The following TCTN1 variants were observed in gnomAD, a reference collection of about 807,000 sequenced individuals.
TCTN1 encodes the protein tectonic family member 1.
TCTN1 carries 58 observed loss-of-function variants against 65.8 expected under a neutral mutation model. That is an observed-to-expected ratio of 0.88 (90% CI 0.71 to 1.10). TCTN1 has a LOEUF of 1.10. Among genes scored for constraint, TCTN1 ranks in the 50% least tolerant of loss-of-function variants. The pLI is 0.00. For synonymous variants in TCTN1, 273 were observed against 289.1 expected (o/e 0.94, Z 0.57); for missense variants, 645 against 719.4 (o/e 0.90, Z 1.18).
In TCTN1 at chr12:110,635,014, T is replaced by C. The variant is rs11065685; in HGVS notation, c.822+235T>C. ...TTTTTTCTTTCATTCATTTTGATGG[T>C]AACCAATATCTGTCTCCTGAATAAA... On this transcript the variant is annotated intron_variant, in intron 6 of 14. Coordinates refer to ENST00000397659, the MANE Select transcript of TCTN1 (RefSeq NM_001082538.3). Among the ~76,000 whole-genome samples the C allele has an allele frequency of 0.019, 2,889 of 152,320 alleles. 75 individuals are homozygous for C. Among genetic ancestry groups the C allele is most frequent in the African/African-American group, 0.066 (2,730 of 41,554 alleles).
intron 3 of TCTN1, chr12:110,627,820 T>C (rs1019287067): frequency 5.1e-6 from 3 of 592,868 alleles, no homozygotes; most frequent in African/African-American, 3.7e-5. Context: ...TAAAATGTTA[T>C]CAGGATATCA....
At chr12:110,622,615 G>A (rs907624263) in intron 2 of TCTN1, among the ~76,000 whole-genome samples, 2 of 152,126 alleles carry the variant, frequency 1.3e-5, no homozygotes, top group African/African-American at 4.8e-5. Context: ...GGAACTGCGT[G>A]GACAGAGATG....
chr12:110,643,076 T>G (rs1031591742), intron 11 of TCTN1, among the ~76,000 whole-genome samples: 2 of 151,594 alleles, frequency 1.3e-5, no homozygotes, highest in Admixed American at 6.6e-5. Context: ...GAATTTTTTT[T>G]TTTTTTTGTA....
intron 4 of TCTN1, chr12:110,629,437 T>C (rs1471579619): frequency 2.0e-5 from 3 of 153,662 alleles, no homozygotes; most frequent in Non-Finnish European, 4.3e-5. Context: ...GTGAAGGATA[T>C]GAATAGACAC....
At chr12:110,615,832 T>C (rs1056696516) in intron 1 of TCTN1, among the ~76,000 whole-genome samples, 9 of 152,166 alleles carry the variant, frequency 5.9e-5, no homozygotes, top group African/African-American at 2.2e-4. Flanking sequence ...GGCTCAGTAT[T>C]AGTAAGTAAA....
chr12:110,642,794 TCAC>T (rs1263067127), intron 11 of TCTN1, among the ~76,000 whole-genome samples: 1 of 151,918 alleles, frequency 6.6e-6, no homozygotes, highest in East Asian at 1.9e-4. Context: ...TCTCCCTCTG[TCAC>T]CCAGTCTGGA....
At chr12:110,647,151 A>G (rs768648285) in intron 12 of TCTN1, 45 bp from the exon 13 acceptor site, 2 of 1,612,550 alleles carry the variant, frequency 1.2e-6, no homozygotes, top group Non-Finnish European at 1.7e-6. Context: ...TGAACTGCAG[A>G]TTAAGTCTGA....
At chr12:110,634,623 C>A (rs1190034414) in intron 5 of TCTN1, 47 bp from the exon 6 acceptor site, 2 of 1,494,120 alleles carry the variant, frequency 1.3e-6, no homozygotes, top group East Asian at 2.4e-5. Context: ...TGAAAAATTT[C>A]TTCTCTTTTG....
chr12:110,626,959 A>G (rs1420443025), intron 3 of TCTN1, among the ~76,000 whole-genome samples: 1 of 149,196 alleles, frequency 6.7e-6, no homozygotes, highest in Admixed American at 6.7e-5. Context: ...TTTAGTAGAG[A>G]CGGGGTTTCT....
chr12:110,646,586 C>T (rs1340701278), intron 12 of TCTN1: 1 of 154,706 alleles, frequency 6.5e-6, no homozygotes, highest in East Asian at 1.9e-4. Context: ...GAGCTGGCTG[C>T]CAAAGCAGCC....
In TCTN1 at chr12:110,615,788, C is replaced by G. The variant is rs372807602; in HGVS notation, c.220+1386C>G. Among the ~76,000 whole-genome samples, 6 of 152,178 alleles carry G rather than the reference C, an allele frequency of 3.9e-5. No homozygotes were observed. In the South Asian group the frequency reaches 8.3e-4, roughly 21 times the overall value. On this transcript the variant is annotated intron_variant, in intron 1 of 14. Transcript: ENST00000397659. The stretch of plus-strand genomic sequence containing the variant: ...TGTAAACAACTGTGCCCAGCCTATC[C>G]CTTCTTAAGAAGATCTTTTCTCAAA...
intron 7 of TCTN1, among the ~76,000 whole-genome samples, chr12:110,636,901 G>A (rs754489927): frequency 6.6e-6 from 1 of 152,260 alleles, no homozygotes; most frequent in African/African-American, 2.4e-5. Flanking sequence ...TGTCCATACC[G>A]CGTGGGAGGC....
intron 7 of TCTN1, among the ~76,000 whole-genome samples, chr12:110,637,121 G>T (rs2066626319): frequency 6.6e-6 from 1 of 152,214 alleles, no homozygotes; most frequent in Non-Finnish European, 1.5e-5. Flanking sequence ...GCCTGAGTTG[G>T]TGGCTTTGTC....
intron 10 of TCTN1, 156 bp from the exon 11 acceptor site, chr12:110,642,092 GT>G: frequency 5.5e-6 from 5 of 915,692 alleles, no homozygotes; most frequent in South Asian, 3.0e-5. Flanking sequence ...AAATAGAACT[GT>G]TTTTTTGCCT....
chr12:110,640,490 T>C lies in TCTN1; in HGVS notation c.951T>C (p.Phe317=), dbSNP rs1268109784. 16 of 1,614,260 alleles carry C rather than the reference T, an allele frequency of 9.9e-6. No homozygotes were observed. The highest frequency in any genetic ancestry group is 2.7e-5 in the African/African-American group (2 of 75,066). The change falls in exon 8 of 15, where the codon TTT becomes TTC. Residue 317 remains phenylalanine, a synonymous_variant. Transcript: ENST00000397659. This position sits in a 1 kb window ranked among gnomAD's most constrained non-coding sequence, Gnocchi z 4.9. ...CGACTCTCGTCAACGCTGGACACTTTAGCCTTTGCGTGAATGTTGTTCTTG... is the reference window on the plus strand; with the variant it reads ...CGACTCTCGTCAACGCTGGACACTTCAGCCTTTGCGTGAATGTTGTTCTTG... ...LQPTLVNAGH[F]SLCVNVVLEV... is the part of the protein sequence containing the mutation.
At chr12:110,620,075 C>A in intron 2 of TCTN1, 119 bp downstream of exon 2, 2 of 1,460,838 alleles carry the variant, frequency 1.4e-6, no homozygotes, top group African/African-American at 1.4e-5. Context: ...TGTTTTACGT[C>A]GTTCTGAAGC....
chr12:110,642,193 AC>A, intron 10 of TCTN1, 55 bp from the exon 11 acceptor site: 1 of 1,611,958 alleles, frequency 6.2e-7, no homozygotes, highest in Non-Finnish European at 8.5e-7. Flanking sequence ...CTGTCTTCTT[AC>A]CTGAGAACCA....
chr12:110,636,743 C>G (rs1489791382), intron 7 of TCTN1, among the ~76,000 whole-genome samples: 1 of 152,210 alleles, frequency 6.6e-6, no homozygotes, highest in Non-Finnish European at 1.5e-5. Context: ...TTCAGTGACA[C>G]CACTGTCGTG....
chr12:110,647,624 C>T, intron 13 of TCTN1, 125 bp from the exon 14 acceptor site: 1 of 1,442,292 alleles, frequency 6.9e-7, no homozygotes, highest in South Asian at 1.2e-5. Context: ...CCAATTAGTG[C>T]TCCAGGACCT....
Sources: gnomAD v4.1 joint callset for allele counts (sites outside exome capture counted in the v4.1 genomes callset) on GRCh38, gnomAD v4.1.1 for gene constraint, Gnocchi (gnomAD v3.1) non-coding constraint, MANE v1.5 for transcripts, NCBI Gene and HGNC (gene_info 2026-07-23, HGNC 2026-07-21) for gene names.